Variants in EML5 observed in about 807,000 individuals in gnomAD.
The protein encoded by EML5 is echinoderm microtubule-associated protein-like 5.
A neutral mutation model predicts 250.0 loss-of-function variants in EML5; 120 were observed. The observed-to-expected ratio is 0.48, with a 90% CI of 0.41 to 0.56. EML5 has a LOEUF of 0.56. EML5 is among the 20% of genes least tolerant of loss of function. EML5 has a pLI of 0.00. For missense variants in EML5, 2,006 were observed against 2,437.6 expected (o/e 0.82, Z 3.73); for synonymous variants, 771 against 806.5 (o/e 0.96, Z 0.75).
chr14:88,642,870 G>C (rs891217389), intron 31 of EML5, 23 bp downstream of exon 31: 1 of 1,578,804 alleles, frequency 6.3e-7, no homozygotes, highest in Non-Finnish European at 8.6e-7. Flanking sequence ...TTGATAGAGG[G>C]ATGGAGAATC....
chr14:88,730,178 T>C (rs75551368), intron 7 of EML5, among the ~76,000 whole-genome samples: 1 of 152,308 alleles, frequency 6.6e-6, no homozygotes, highest in East Asian at 1.9e-4. Context: ...TTGAATTAGA[T>C]GGCAAAGCAT....
At chr14:88,767,589 G>T (rs1048465219) in intron 1 of EML5, among the ~76,000 whole-genome samples, 1 of 151,916 alleles carries the variant, frequency 6.6e-6, no homozygotes, top group Admixed American at 6.6e-5. Flanking sequence ...ATATATTCTT[G>T]GTACAATTCT....
At chr14:88,628,081 CA>C in intron 33 of EML5, 1 of 475,674 alleles carries the variant, frequency 2.1e-6, no homozygotes, top group Non-Finnish European at 3.8e-6. Context: ...AGCATTTAGA[CA>C]AGCAAATCAG....
chr14:88,662,339 GTTTTTTTTTTTTTT>G (rs71127000), intron 24 of EML5, among the ~76,000 whole-genome samples: 2 of 55,656 alleles, frequency 3.6e-5, no homozygotes, highest in African/African-American at 6.4e-5. Flanking sequence ...AATTTTTCTT[GTTTTTTTTTTTTTT>G]TTTTTTTTTT....
intron 24 of EML5, 28 bp downstream of exon 24, chr14:88,663,003 A>G: frequency 6.6e-7 from 1 of 1,511,100 alleles, no homozygotes; most frequent in Non-Finnish European, 8.9e-7. Flanking sequence ...TCACATGAAC[A>G]ACACTGCAAG....
Position 88,775,996 on chromosome 14 carries a change from G to A in EML5, c.197+16311C>T, listed in dbSNP as rs12884177. ...TGCCTGGTAATCCAGAGAATTCTCC[G>A]GGATCTTGTCTAAGACCATCAAGGT... On this transcript the variant is annotated intron_variant, in intron 1 of 43. Transcript: ENST00000554922. 4.0e-5 allele frequency among the ~76,000 whole-genome samples: 6 copies of A among 151,432 alleles called. No homozygotes were observed. The South Asian group carries it at 8.3e-4, about 21-fold the overall frequency.
chr14:88,681,824 C>A, intron 21 of EML5, 66 bp downstream of exon 21: 1 of 1,473,058 alleles, frequency 6.8e-7, no homozygotes, highest in Non-Finnish European at 9.0e-7. Flanking sequence ...GTTTTGCTTT[C>A]TTATATTTGT....
At chr14:88,704,808 G>C in intron 13 of EML5, 52 bp downstream of exon 13, 1 of 1,360,970 alleles carries the variant, frequency 7.3e-7, no homozygotes, top group African/African-American at 1.4e-5. Context: ...TGTTAAGCTA[G>C]TAAGTGTGAA....
chr14:88,675,480 G>C (rs1282498166), intron 21 of EML5, among the ~76,000 whole-genome samples: 1 of 152,186 alleles, frequency 6.6e-6, no homozygotes, highest in Non-Finnish European at 1.5e-5. Flanking sequence ...TGGAATGCAG[G>C]GTACCAAGTC....
In EML5 at chr14:88,681,951, G is replaced by C. The variant is rs369170867; in HGVS notation, c.3063C>G (p.Thr1021=). ...PICATVSDDK[T]LRIWDLSPSH... is the part of the protein sequence containing the mutation. ...TAGGTGAGAGATCCCATATTCTTAAGGTTTTATCATCGCTTACAGTAGCAC... is the reference window on the plus strand; with the variant it reads ...TAGGTGAGAGATCCCATATTCTTAACGTTTTATCATCGCTTACAGTAGCAC... The change falls in exon 21 of 44, where the codon ACC becomes ACG. Residue 1021 remains threonine, a synonymous_variant. Coordinates refer to ENST00000554922, the MANE Select transcript of EML5 (RefSeq NM_183387.3). The C allele has an allele frequency of 3.2e-5, 52 of 1,613,298 alleles. No homozygotes were observed. The African/African-American group carries it at 5.2e-4, about 16-fold the overall frequency.
chr14:88,659,808 A>G lies in EML5; in HGVS notation c.3676-1420T>C, dbSNP rs191430143. Among the ~76,000 whole-genome samples the G allele has an allele frequency of 7.5e-4, 114 of 152,298 alleles. 1 individual carries two copies. In the East Asian group the frequency reaches 0.016, roughly 21 times the overall value. ...CTTGGGTGTCTGAGTTTTCAATGAG[A>G]ATTTTTAAACCTGTGTTTTCATTTC... On this transcript the variant is annotated intron_variant, in intron 25 of 43. Transcript: ENST00000554922.
intron 14 of EML5, among the ~76,000 whole-genome samples, chr14:88,702,181 AAATT>A (rs2093225946): frequency 6.6e-6 from 1 of 152,158 alleles, no homozygotes; most frequent in African/African-American, 2.4e-5. Context: ...CTAATTTAAA[AAATT>A]AATATCATGA....
intron 8 of EML5, among the ~76,000 whole-genome samples, chr14:88,718,073 A>G (rs1390532987): frequency 6.6e-6 from 1 of 152,188 alleles, no homozygotes; most frequent in Non-Finnish European, 1.5e-5. Flanking sequence ...AGAGGTATCA[A>G]GGAAAACACC....
chr14:88,616,939 C>A, intron 41 of EML5, 60 bp from the exon 42 acceptor site: 2 of 1,535,678 alleles, frequency 1.3e-6, no homozygotes, highest in Non-Finnish European at 8.9e-7. Context: ...TGACTATATT[C>A]AAAAAGTTTC....
chr14:88,726,416 A>G, intron 8 of EML5, 125 bp downstream of exon 8: 1 of 582,692 alleles, frequency 1.7e-6, no homozygotes, highest in Non-Finnish European at 2.6e-6. Flanking sequence ...TAAGAAGGGG[A>G]AGAGAAAAGG....
At chr14:88,695,676 C>A (rs550964074) in intron 15 of EML5, among the ~76,000 whole-genome samples, 1 of 152,094 alleles carries the variant, frequency 6.6e-6, no homozygotes, top group South Asian at 2.1e-4. Flanking sequence ...CACCTGATCT[C>A]CTTTTCCCTT....
At chr14:88,635,476 A>ACACC (rs2140520376) in intron 32 of EML5, among the ~76,000 whole-genome samples, 1 of 152,328 alleles carries the variant, frequency 6.6e-6, no homozygotes, top group South Asian at 2.1e-4. Context: ...CTGAATATTA[A>ACACC]CAGGGTCTGG....
intron 1 of EML5, among the ~76,000 whole-genome samples, chr14:88,784,333 C>A (rs1256102298): frequency 6.8e-6 from 1 of 146,506 alleles, no homozygotes; most frequent in Non-Finnish European, 1.5e-5. Flanking sequence ...AAAACCAATA[C>A]AAAATTTCAA....
chr14:88,666,589 T>C (rs1157243400), intron 21 of EML5, among the ~76,000 whole-genome samples: 2 of 152,220 alleles, frequency 1.3e-5, no homozygotes, highest in East Asian at 1.9e-4. Flanking sequence ...GATACATCTG[T>C]ATATATACGT....
Sources: gnomAD v4.1 joint callset for allele counts (sites outside exome capture counted in the v4.1 genomes callset) on GRCh38, gnomAD v4.1.1 for gene constraint, MANE v1.5 for transcripts, NCBI Gene and HGNC (gene_info 2026-07-23, HGNC 2026-07-21) for gene names.